CRYBG3: variants seen among roughly 807,000 people sequenced by gnomAD.
CRYBG3 encodes very large A-kinase anchor protein.
A neutral mutation model predicts 244.2 loss-of-function variants in CRYBG3; 127 were observed. That is an observed-to-expected ratio of 0.52 (90% CI 0.45 to 0.60). The LOEUF (loss-of-function observed/expected upper bound fraction) is 0.60. CRYBG3 is among the 20% of genes least tolerant of loss of function. The probability of loss-of-function intolerance (pLI) is 0.00; values close to 1 mark genes in which losing one functional copy is unlikely to be tolerated. For synonymous variants in CRYBG3, 1,132 were observed against 1,195.8 expected (o/e 0.95, Z 1.10); for missense variants, 3,325 against 3,442.5 (o/e 0.97, Z 0.85).
chr3:97,937,652 T>C (rs752824438), intron 19 of CRYBG3, among the ~76,000 whole-genome samples: 2 of 152,076 alleles, frequency 1.3e-5, no homozygotes, highest in Non-Finnish European at 2.9e-5. Flanking sequence ...CCTAGCGTTA[T>C]GGTTGGATCG....
At chr3:97,882,461 A>G (rs972011201) in intron 7 of CRYBG3, among the ~76,000 whole-genome samples, 1 of 152,136 alleles carries the variant, frequency 6.6e-6, no homozygotes, top group African/African-American at 2.4e-5. Context: ...CTTAGAAAAT[A>G]TTAATACTAA....
rs541403747 is a variant in CRYBG3, at chr3:97,900,556, T to G, written c.8004+71T>G. 6.3e-6 allele frequency: 6 copies of G among 958,658 alleles called. No homozygotes were observed. In the East Asian group the frequency reaches 1.3e-4, roughly 20 times the overall value. The allele number at this position is 958,658 out of a possible 1,614,324, so 59.4% of individuals were successfully genotyped here. On this transcript the variant is annotated intron_variant, in intron 15 of 21. Transcript: ENST00000389622. Reference sequence around the variant, plus strand: ...GCATTTATACCCTTTCTCTCAAATCTTTCTCTTTTCTGCAGATAACTTTTA... The same window carrying G: ...GCATTTATACCCTTTCTCTCAAATCGTTCTCTTTTCTGCAGATAACTTTTA...
At chr3:97,922,089 G>A (rs749440973) in intron 17 of CRYBG3, among the ~76,000 whole-genome samples, 14 of 152,174 alleles carry the variant, frequency 9.2e-5, no homozygotes, top group Non-Finnish European at 1.3e-4. Context: ...GAAGGATACT[G>A]AATAAGAGGC....
At chr3:97,943,008 A>G in intron 21 of CRYBG3, 1 of 522,396 alleles carries the variant, frequency 1.9e-6, no homozygotes, top group South Asian at 2.4e-5. Context: ...ACAATCATGT[A>G]TTATACCTTT....
chr3:97,906,181 TG>T (rs1252159445), intron 15 of CRYBG3, among the ~76,000 whole-genome samples: 2 of 148,788 alleles, frequency 1.3e-5, no homozygotes, highest in Non-Finnish European at 3.0e-5. Flanking sequence ...GGTAGTGTGA[TG>T]CCTCCAGCTT....
At position 97,877,961 on chromosome 3, in the gene CRYBG3, G is replaced by T; in HGVS notation, c.6767G>T (p.Gly2256Val). The T allele has an allele frequency of 6.2e-7, 1 of 1,614,100 alleles. No individual in the cohort carries two copies. The highest frequency in any genetic ancestry group is 1.1e-5 in the South Asian group (1 of 91,074). ...TCCTCAGAAAAAGGAGCCAGATTTG[G>T]TGGAATTTTTCAGGAACCAGTGTCA... ...SHSSEKGARF[G>V]GIFQEPVSKY... The change falls in exon 4 of 22, where the codon GGT becomes GTT. Residue 2256 changes from glycine to valine, a missense_variant. Around this residue, in one of 4 missense-constraint regions of CRYBG3, gnomAD observed 450 missense variants for 424.1 expected, o/e 1.06. Transcript: ENST00000389622.
In CRYBG3 at chr3:97,864,204, T is replaced by C; in HGVS notation, c.217-13T>C. ...AATAATGATGCTTATGATTGTCTAT[T>C]TTGTTTTCAAAGATTCGCCAAAGTG... On this transcript the variant is annotated splice_polypyrimidine_tract_variant and intron_variant, in intron 2 of 21. Coordinates refer to ENST00000389622, the MANE Select transcript of CRYBG3 (RefSeq NM_153605.4). The C allele has an allele frequency of 1.4e-6, 2 of 1,470,210 alleles. No individual in the cohort carries two copies. The highest frequency in any genetic ancestry group is 2.8e-5 in the African/African-American group (2 of 70,266). 91.1% of individuals were successfully genotyped at this position (1,470,210 alleles called of 1,614,324 possible). A position where few individuals can be genotyped will look rare whatever the true frequency, so the allele number is the denominator to read the frequency against.
chr3:97,882,392 G>T (rs1436691852), intron 7 of CRYBG3, among the ~76,000 whole-genome samples: 2 of 151,992 alleles, frequency 1.3e-5, no homozygotes, highest in Admixed American at 6.6e-5. Context: ...GCATGTGTGT[G>T]TGTTAGGGGA....
At chr3:97,899,116 T>G (rs762071118) in intron 13 of CRYBG3, 21 bp from the exon 14 acceptor site, 2 of 1,598,994 alleles carry the variant, frequency 1.3e-6, no homozygotes, top group East Asian at 2.2e-5. Context: ...ATTTTTTTGT[T>G]TTTTCTTTTT....
intron 11 of CRYBG3, among the ~76,000 whole-genome samples, chr3:97,895,426 G>A (rs899339613): frequency 3.5e-4 from 53 of 152,242 alleles, no homozygotes; most frequent in African/African-American, 1.2e-3. Flanking sequence ...GCTAATAATA[G>A]CTCAGTCGAA....
In CRYBG3 at chr3:97,871,980, C is replaced by T. The variant is rs2039307518; in HGVS notation, c.786C>T (p.Asp262=). 6.5e-7 allele frequency: 1 copy of T among 1,535,792 alleles called. No homozygotes were observed. The highest frequency in any genetic ancestry group is 8.7e-7 in the Non-Finnish European group (1 of 1,146,742). ...NTLDRENESS[D]SSTNRHIDPG... is the part of the protein sequence containing the mutation. ...TGGACAGAGAAAATGAAAGTTCTGA[C>T]TCTAGTACAAACAGACACATTGACC... Residue 262 remains aspartate (D), a synonymous_variant, in exon 4 of 22, where the codon GAC becomes GAT. Transcript: ENST00000389622.
intron 2 of CRYBG3, among the ~76,000 whole-genome samples, chr3:97,862,258 GT>G (rs2039161630): frequency 6.6e-6 from 1 of 152,098 alleles, no homozygotes; most frequent in Non-Finnish European, 1.5e-5. Flanking sequence ...AAAAATTACT[GT>G]TTTGAGATTT....
chr3:97,896,122 T>G, intron 12 of CRYBG3, 37 bp downstream of exon 12: 1 of 1,565,414 alleles, frequency 6.4e-7, no homozygotes. Flanking sequence ...TTCTACCTTT[T>G]AAAAAATCTG....
intron 17 of CRYBG3, chr3:97,924,247 C>T (rs1351715082): frequency 6.1e-6 from 2 of 325,748 alleles, no homozygotes; most frequent in Admixed American, 9.5e-5. Flanking sequence ...TAGTTAGAAT[C>T]CTACTTTACT....
chr3:97,923,698 A>G (rs1038476036), intron 17 of CRYBG3, among the ~76,000 whole-genome samples: 3 of 152,166 alleles, frequency 2.0e-5, no homozygotes, highest in Non-Finnish European at 4.4e-5. Flanking sequence ...GTTGCAGAGT[A>G]TAAGATAAAT....
chr3:97,849,374 A>G (rs532214755), intron 2 of CRYBG3, among the ~76,000 whole-genome samples: 1 of 152,312 alleles, frequency 6.6e-6, no homozygotes, highest in East Asian at 1.9e-4. Context: ...AAGAAGGTAC[A>G]TACAAGAAGG....
chr3:97,915,211 A>G (rs192876340), intron 16 of CRYBG3, among the ~76,000 whole-genome samples: 3 of 152,302 alleles, frequency 2.0e-5, no homozygotes, highest in Admixed American at 1.3e-4. Flanking sequence ...ACTTGAAGGC[A>G]CTAAATAAAA....
Position 97,876,833 on chromosome 3 carries a change from C to A in CRYBG3, c.5639C>A (p.Thr1880Asn). The change falls in exon 4 of 22, where the codon ACC becomes AAC. Residue 1880 changes from threonine to asparagine, a missense_variant. Coordinates refer to ENST00000389622, the MANE Select transcript of CRYBG3 (RefSeq NM_153605.4). Reference protein sequence around the residue: ...EKIHGTGLELTTKQGEAMLPA... With the variant: ...EKIHGTGLELNTKQGEAMLPA... ...ATACATGGAACAGGACTAGAATTGACCACTAAACAAGGGGAGGCCATGCTT... is the reference window on the plus strand; with the variant it reads ...ATACATGGAACAGGACTAGAATTGAACACTAAACAAGGGGAGGCCATGCTT... The A allele has an allele frequency of 1.5e-6, 2 of 1,372,104 alleles. No individual in the cohort carries two copies. The highest frequency in any genetic ancestry group is 2.2e-5 in the South Asian group (1 of 46,038). 85.0% of individuals were successfully genotyped at this position (1,372,104 alleles called of 1,614,324 possible). A position where few individuals can be genotyped will look rare whatever the true frequency, so the allele number is the denominator to read the frequency against.
At chr3:97,888,286 G>T in intron 8 of CRYBG3, 55 bp from the exon 9 acceptor site, 1 of 1,083,616 alleles carries the variant, frequency 9.2e-7, no homozygotes, top group South Asian at 1.4e-5. Flanking sequence ...TTTACTTACA[G>T]AACCAGACTA....
Sources: gnomAD v4.1 joint callset for allele counts (sites outside exome capture counted in the v4.1 genomes callset) on GRCh38, gnomAD v4.1.1 for gene constraint, gnomAD v4.1.1 regional missense constraint, MANE v1.5 for transcripts, NCBI Gene and HGNC (gene_info 2026-07-23, HGNC 2026-07-21) for gene names.